Variants in SGK3 observed in about 807,000 individuals in gnomAD.
SGK3 encodes serum/glucocorticoid regulated kinase family member 3, also known as serine/threonine-protein kinase Sgk3.
Under a neutral mutation model 68.5 loss-of-function variants are expected in SGK3, and 47 were observed. That is an observed-to-expected ratio of 0.69 (90% CI 0.54 to 0.87). The LOEUF (loss-of-function observed/expected upper bound fraction) is 0.87, where lower values mean the gene tolerates loss of function less well. Among genes scored for constraint, SGK3 ranks in the 40% least tolerant of loss-of-function variants. The pLI is 0.00. For synonymous variants in SGK3, 181 were observed against 189.1 expected (o/e 0.96, Z 0.35); for missense variants, 479 against 575.5 (o/e 0.83, Z 1.72).
At chr8:66,816,795 A>G (rs1808602740) in intron 5 of SGK3, among the ~76,000 whole-genome samples, 1 of 152,046 alleles carries the variant, frequency 6.6e-6, no homozygotes, top group Non-Finnish European at 1.5e-5. Context: ...CACCTCCTAT[A>G]TACCTGTTAT....
intron 1 of SGK3, among the ~76,000 whole-genome samples, chr8:66,745,598 A>T (rs1204799043): frequency 3.4e-5 from 5 of 147,686 alleles, no homozygotes; most frequent in Non-Finnish European, 5.9e-5. Context: ...ACAAAACAAA[A>T]AAACAACAAA....
intron 5 of SGK3, among the ~76,000 whole-genome samples, chr8:66,821,678 A>ATTTTTTTTTT (rs59399048): frequency 9.2e-5 from 10 of 108,524 alleles, no homozygotes; most frequent in Middle Eastern, 0.011. Context: ...ACGCCCGGCT[A>ATTTTTTTTTT]TTTTTTTTTT....
At chr8:66,775,251 C>G (rs1418143668) in intron 1 of SGK3, 1 of 152,438 alleles carries the variant, frequency 6.6e-6, no homozygotes, top group Non-Finnish European at 1.5e-5. Context: ...CGGCGCAGGT[C>G]CCGGCCGAGT....
intron 1 of SGK3, among the ~76,000 whole-genome samples, chr8:66,754,120 C>T (rs1805906864): frequency 6.6e-6 from 1 of 152,120 alleles, no homozygotes; most frequent in African/African-American, 2.4e-5. Flanking sequence ...AGGTGGGACT[C>T]ACATAAGCTT....
rs1214427699 is a variant in SGK3 at position 66,812,299 on chromosome 8, C to T, written c.254-1554C>T. On this transcript the variant is annotated intron_variant, in intron 4 of 16. Coordinates refer to ENST00000521198, the MANE Select transcript of SGK3 (RefSeq NM_001033578.3). ...ATTGGCTGGGTGCGGTGGGTCACGCCTGTAATCCCAGCACTTTGGGAGGCC... is the reference window on the plus strand; with the variant it reads ...ATTGGCTGGGTGCGGTGGGTCACGCTTGTAATCCCAGCACTTTGGGAGGCC... 2.0e-5 allele frequency among the ~76,000 whole-genome samples: 3 copies of T among 152,178 alleles called. No homozygotes were observed. The East Asian group carries it at 5.8e-4, about 29-fold the overall frequency.
intron 1 of SGK3, among the ~76,000 whole-genome samples, chr8:66,745,542 C>G (rs1208788170): frequency 6.6e-6 from 1 of 152,000 alleles, no homozygotes; most frequent in Non-Finnish European, 1.5e-5. Flanking sequence ...CCACTGCACT[C>G]CAGCCTGGGC....
chr8:66,843,359 C>A, intron 13 of SGK3, 93 bp from the exon 14 acceptor site: 1 of 1,284,946 alleles, frequency 7.8e-7, no homozygotes, highest in Non-Finnish European at 1.1e-6. Context: ...AGTATGATAG[C>A]AACAACTAAA....
At chr8:66,767,419 A>G (rs1563616573) in intron 1 of SGK3, 1 of 1,322,184 alleles carries the variant, frequency 7.6e-7, no homozygotes, top group Non-Finnish European at 1.1e-6. Flanking sequence ...GTCAGAGCAA[A>G]CAGGTGGCAA....
At chr8:66,740,100 A>G (rs1805436832) in intron 1 of SGK3, among the ~76,000 whole-genome samples, 1 of 152,298 alleles carries the variant, frequency 6.6e-6, no homozygotes, top group African/African-American at 2.4e-5. Flanking sequence ...TCATAGAAAC[A>G]ATAGCACACA....
chr8:66,763,833 A>G (rs761136537), intron 1 of SGK3, among the ~76,000 whole-genome samples: 2 of 152,098 alleles, frequency 1.3e-5, no homozygotes, highest in African/African-American at 2.4e-5. Context: ...GGATAGGAAC[A>G]TAATTACTAA....
At chr8:66,834,971 G>A (rs796302190) in intron 8 of SGK3, among the ~76,000 whole-genome samples, 1 of 151,420 alleles carries the variant, frequency 6.6e-6, no homozygotes, top group Non-Finnish European at 1.5e-5. Flanking sequence ...CCAACAAAGT[G>A]CAGTAAAACA....
At chr8:66,826,060 C>T (rs1487266628) in intron 6 of SGK3, among the ~76,000 whole-genome samples, 1 of 152,048 alleles carries the variant, frequency 6.6e-6, no homozygotes, top group Non-Finnish European at 1.5e-5. Context: ...GCAACCTCCC[C>T]CTCCTGGTTT....
At chr8:66,840,414 C>G (rs1173650295) in intron 12 of SGK3, among the ~76,000 whole-genome samples, 167 bp downstream of exon 12, 1 of 151,994 alleles carries the variant, frequency 6.6e-6, no homozygotes, top group Non-Finnish European at 1.5e-5. Flanking sequence ...TTGACAGGGT[C>G]CAAGGGGATA....
chr8:66,853,222 T>A (rs548730012), intron 16 of SGK3, among the ~76,000 whole-genome samples: 2 of 152,206 alleles, frequency 1.3e-5, no homozygotes, highest in African/African-American at 4.8e-5. Context: ...GAACATGGGC[T>A]CTGTCTTCAA....
intron 1 of SGK3, among the ~76,000 whole-genome samples, chr8:66,715,266 T>G (rs35813353): frequency 8.9e-6 from 1 of 111,836 alleles, no homozygotes; most frequent in East Asian, 2.1e-4. Flanking sequence ...TCTTTCTTTG[T>G]TTTTTTTTTG....
rs77327710 is a variant in SGK3 at position 66,767,565 on chromosome 8, C to T, written c.-121-26051C>T. On this transcript the variant is annotated intron_variant, in intron 1 of 16. Coordinates refer to ENST00000521198, the MANE Select transcript of SGK3 (RefSeq NM_001033578.3). ...CAAGCTCTCTCTCCTCATCAAGTATCATGAGAGGCACTTCACTCAAGGGGA... is the reference window on the plus strand; with the variant it reads ...CAAGCTCTCTCTCCTCATCAAGTATTATGAGAGGCACTTCACTCAAGGGGA... 4 of 1,449,330 alleles carry T rather than the reference C, an allele frequency of 2.8e-6. No homozygotes were observed. The East Asian group carries it at 9.1e-5, about 33-fold the overall frequency. 89.8% of individuals were successfully genotyped at this position (1,449,330 alleles called of 1,614,324 possible).
intron 1 of SGK3, among the ~76,000 whole-genome samples, chr8:66,744,483 G>GTATATATA (rs869176585): frequency 9.1e-4 from 37 of 40,742 alleles, no homozygotes; most frequent in Admixed American, 1.2e-3. Flanking sequence ...GTGTGTGTGT[G>GTATATATA]TATATATATA....
intron 1 of SGK3, chr8:66,768,072 T>C (rs1305995212): frequency 1.9e-6 from 1 of 538,330 alleles, no homozygotes; most frequent in Non-Finnish European, 3.4e-6. Flanking sequence ...TCTATCTTCA[T>C]TTGAATTATA....
chr8:66,835,958 G>A lies in SGK3; in HGVS notation c.625G>A (p.Ala209Thr). The A allele has an allele frequency of 3.1e-6, 5 of 1,613,630 alleles. No individual in the cohort carries two copies. Among genetic ancestry groups the A allele is most frequent in the Non-Finnish European group, 4.2e-6 (5 of 1,179,856 alleles). Reference sequence around the variant, plus strand: ...TTTTTTCCAGCAAAAACATATTATGGCTGAACGTAATGTGCTCTTGAAAAA... The same window carrying A: ...TTTTTTCCAGCAAAAACATATTATGACTGAACGTAATGTGCTCTTGAAAAA... ...LNRKEQKHIMAERNVLLKNVK... is the reference protein window; with the variant it reads ...LNRKEQKHIMTERNVLLKNVK... Residue 209 changes from alanine to threonine, a missense_variant, in exon 10 of 17, where the codon GCT (alanine) becomes ACT (threonine). Transcript: ENST00000521198.
Sources: allele counts gnomAD v4.1 joint callset (sites outside exome capture counted in the v4.1 genomes callset), GRCh38; gene constraint gnomAD v4.1.1; transcripts MANE v1.5; gene names NCBI Gene and HGNC (gene_info 2026-07-23, HGNC 2026-07-21).